STARD13: variants seen among roughly 807,000 people sequenced by gnomAD.
STARD13 encodes StAR related lipid transfer domain containing 13.
A neutral mutation model predicts 106.4 loss-of-function variants in STARD13; 62 were observed. The observed-to-expected ratio is 0.58, with a 90% CI of 0.48 to 0.72. STARD13 has a LOEUF of 0.72. Among genes scored for constraint, STARD13 ranks in the 30% least tolerant of loss-of-function variants. The pLI is 0.00. For missense variants in STARD13, 1,387 were observed against 1,424.0 expected (o/e 0.97, Z 0.42); for synonymous variants, 565 against 553.0 (o/e 1.02, Z -0.31).
In STARD13 at chr13:33,165,385, T is replaced by A; in HGVS notation, c.275A>T (p.Lys92Met). 1 of 1,614,016 alleles carries A rather than the reference T, an allele frequency of 6.2e-7. No homozygotes were observed. The highest frequency in any genetic ancestry group is 2.2e-5 in the East Asian group (1 of 44,876). ...SQFPINIVAV[K>M]NDHDFLEKDL... ...CTTTTCAAGAAAATCATGATCATTC[T>A]TGACAGCCACAATGTTGATGGGAAA... The change falls in exon 3 of 14, where the codon AAG (lysine) becomes ATG (methionine). Residue 92 changes from lysine to methionine, a missense_variant. Transcript: ENST00000336934.
chr13:33,547,342 C>T, the STARD13 span, among the ~76,000 whole-genome samples: 31 of 152,282 alleles, frequency 2.0e-4, no homozygotes, highest in East Asian at 5.6e-3. Context: ...AGTAACGTTT[C>T]CCCAATGAAC....
chr13:33,434,160 C>T, the STARD13 span, among the ~76,000 whole-genome samples: 1 of 152,014 alleles, frequency 6.6e-6, no homozygotes, highest in Non-Finnish European at 1.5e-5. Flanking sequence ...CAAGACCAGC[C>T]TGGCCAACAT....
At position 33,285,652 on chromosome 13, in the gene STARD13, C is replaced by T. The variant is rs73468170; in HGVS notation, c.-14G>A. 3.1e-6 allele frequency: 5 copies of T among 1,611,244 alleles called. No homozygotes were observed. In the South Asian group the frequency reaches 4.4e-5, roughly 14 times the overall value. The stretch of plus-strand genomic sequence containing the variant: ...CTGACTGAACATCTCGGCAGATTTC[C>T]TATTGCCACCTCAGTCTGCCTGTGG... On this transcript the variant is annotated 5_prime_UTR_variant, in exon 1 of 14. Transcript: ENST00000336934.
chr13:33,133,239 G>T (rs976078172), intron 4 of STARD13, among the ~76,000 whole-genome samples: 11 of 151,986 alleles, frequency 7.2e-5, no homozygotes, highest in African/African-American at 2.7e-4. Flanking sequence ...GCTGGGCACT[G>T]TGGCCTGGGA....
At chr13:33,346,817 T>A (rs1198990882), downstream of STARD13, among the ~76,000 whole-genome samples, 1 of 151,698 alleles carries the variant, frequency 6.6e-6, no homozygotes, top group East Asian at 1.9e-4. Context: ...TTTTTTTTTT[T>A]TAGTAGAGAT....
At chr13:33,182,109 G>GT (rs1885297733) in intron 1 of STARD13, among the ~76,000 whole-genome samples, 1 of 152,176 alleles carries the variant, frequency 6.6e-6, no homozygotes, top group Non-Finnish European at 1.5e-5. Context: ...CACCACACAT[G>GT]TACACACATC....
intron 1 of STARD13, among the ~76,000 whole-genome samples, chr13:33,307,239 A>G (rs975125370): frequency 2.6e-5 from 4 of 152,214 alleles, no homozygotes; most frequent in Non-Finnish European, 5.9e-5. Flanking sequence ...ATTGTGGAAG[A>G]CAGTGTGGCA....
chr13:33,648,235 T>C, the STARD13 span, among the ~76,000 whole-genome samples: 1 of 152,240 alleles, frequency 6.6e-6, no homozygotes, highest in Admixed American at 6.5e-5. Context: ...ACAATATGAT[T>C]TCTATTTTCC....
rs746683534 is a variant in STARD13 at position 33,111,760 on chromosome 13, T to G, written c.2607+18A>C. 1.3e-6 allele frequency: 2 copies of G among 1,545,044 alleles called. No homozygotes were observed. The highest frequency in any genetic ancestry group is 1.8e-6 in the Non-Finnish European group (2 of 1,117,148). On this transcript the variant is annotated intron_variant, in intron 10 of 13. Coordinates refer to ENST00000336934, the MANE Select transcript of STARD13 (RefSeq NM_178006.4). ...CCAAGAGCTACTAGGGAGGCGGAGG[T>G]TCGAGCCTTTTGCTCACCTCAAAAA...
chr13:33,596,995 T>C, the STARD13 span, among the ~76,000 whole-genome samples: 1 of 152,228 alleles, frequency 6.6e-6, no homozygotes, highest in African/African-American at 2.4e-5. Flanking sequence ...CTGCAATAAC[T>C]ATAGGGGTTC....
intron 3 of STARD13, among the ~76,000 whole-genome samples, chr13:33,145,841 G>A (rs1880455495): frequency 6.6e-6 from 1 of 152,182 alleles, no homozygotes; most frequent in Non-Finnish European, 1.5e-5. Flanking sequence ...GGAAACAGAT[G>A]AGTGGTTGCC....
At chr13:33,179,525 C>A (rs548603250) in intron 1 of STARD13, among the ~76,000 whole-genome samples, 1 of 152,352 alleles carries the variant, frequency 6.6e-6, no homozygotes, top group South Asian at 2.1e-4. Flanking sequence ...TCTCTTCTCT[C>A]AGCTCTCTTC....
chr13:33,421,857 T>C, the STARD13 span, among the ~76,000 whole-genome samples: 1 of 152,174 alleles, frequency 6.6e-6, no homozygotes, highest in Admixed American at 6.5e-5. Context: ...TATGATTATC[T>C]CAATAGATGC....
chr13:33,413,779 C>T, the STARD13 span, among the ~76,000 whole-genome samples: 1 of 152,080 alleles, frequency 6.6e-6, no homozygotes, highest in African/African-American at 2.4e-5. Context: ...TGCCTGTAAT[C>T]CCAGCACTTT....
At chr13:33,117,606 C>T (rs894350909) in intron 8 of STARD13, 4 of 978,966 alleles carry the variant, frequency 4.1e-6, no homozygotes, top group Non-Finnish European at 4.9e-6. Context: ...TTACTTTTCA[C>T]CAATGAAGAT....
In STARD13 at chr13:33,135,820, T is replaced by C. The variant is rs943143959; in HGVS notation, c.388-5531A>G. Among the ~76,000 whole-genome samples the C allele has an allele frequency of 3.3e-5, 5 of 152,182 alleles. No homozygotes were observed. The South Asian group carries it at 8.3e-4, about 25-fold the overall frequency. On this transcript the variant is annotated intron_variant, in intron 4 of 13. Transcript: ENST00000336934. ...ACTTAGATAACAAAGAAGAAACTTG[T>C]TGTCACATTAAAAATCTTATGGCCA...
chr13:33,660,871 A>T, the STARD13 span, among the ~76,000 whole-genome samples: 4 of 152,094 alleles, frequency 2.6e-5, no homozygotes, highest in African/African-American at 9.7e-5. Flanking sequence ...GATGTGAACC[A>T]CTGTGCCTGG....
chr13:33,123,055 C>CAAAAAAAA (rs71071079), intron 7 of STARD13, among the ~76,000 whole-genome samples: 471 of 45,836 alleles, frequency 0.01, 90 homozygotes, highest in Non-Finnish European at 0.014. Context: ...GACTCCATCT[C>CAAAAAAAA]AAAAAAAAAA....
At chr13:33,273,147 G>T (rs1462024029) in intron 1 of STARD13, among the ~76,000 whole-genome samples, 1 of 152,172 alleles carries the variant, frequency 6.6e-6, no homozygotes, top group East Asian at 1.9e-4. Context: ...AGGAAAACTT[G>T]TCTATGCATT....
Sources: gnomAD v4.1 joint callset for allele counts (sites outside exome capture counted in the v4.1 genomes callset) on GRCh38, gnomAD v4.1.1 for gene constraint, MANE v1.5 for transcripts, NCBI Gene and HGNC (gene_info 2026-07-23, HGNC 2026-07-21) for gene names.